Variants in SLC35F4 observed in about 807,000 individuals in gnomAD.
SLC35F4 encodes the protein chromosome 14 open reading frame 36.
In SLC35F4, 24 loss-of-function variants were observed where a neutral mutation model predicts 44.2. That is an observed-to-expected ratio of 0.54 (90% CI 0.39 to 0.76). SLC35F4 has a LOEUF of 0.76. Among genes scored for constraint, SLC35F4 ranks in the 30% least tolerant of loss-of-function variants. The pLI is 0.00. For synonymous variants in SLC35F4, 238 were observed against 223.6 expected (o/e 1.06, Z -0.57); for missense variants, 562 against 586.1 (o/e 0.96, Z 0.42).
At chr14:57,933,004 C>G (rs1051270243) in intron 1 of SLC35F4, among the ~76,000 whole-genome samples, 1 of 151,438 alleles carries the variant, frequency 6.6e-6, no homozygotes, top group Non-Finnish European at 1.5e-5. Flanking sequence ...AAATCAACCT[C>G]GGAAGGTTAA....
chr14:57,913,421 C>T (rs1269984516), intron 1 of SLC35F4, among the ~76,000 whole-genome samples: 1 of 151,924 alleles, frequency 6.6e-6, no homozygotes, highest in Non-Finnish European at 1.5e-5. Context: ...CCGCCCCTTT[C>T]TTAGCACACC....
chr14:57,576,699 T>C (rs2139755129), intron 4 of SLC35F4, among the ~76,000 whole-genome samples: 1 of 151,982 alleles, frequency 6.6e-6, no homozygotes, highest in South Asian at 2.1e-4. Context: ...GGAAGGGGGG[T>C]ACCTTGGATA....
intron 1 of SLC35F4, among the ~76,000 whole-genome samples, chr14:57,709,085 C>T (rs2075752222): frequency 6.6e-6 from 1 of 152,296 alleles, no homozygotes; most frequent in South Asian, 2.1e-4. Flanking sequence ...GATGGTTAGG[C>T]CTCCAGATAA....
chr14:57,702,672 C>T (rs577350146), intron 1 of SLC35F4, among the ~76,000 whole-genome samples: 5 of 152,148 alleles, frequency 3.3e-5, no homozygotes, highest in Non-Finnish European at 7.4e-5. Context: ...AGAGAGATTT[C>T]AAAACTGATT....
intron 1 of SLC35F4, among the ~76,000 whole-genome samples, chr14:57,940,925 G>A (rs1221118724): frequency 6.6e-6 from 1 of 152,134 alleles, no homozygotes; most frequent in Non-Finnish European, 1.5e-5. Context: ...TAGTTGCCTT[G>A]TAAAAATACT....
chr14:57,926,388 G>A (rs1215578271), intron 1 of SLC35F4, among the ~76,000 whole-genome samples: 1 of 152,234 alleles, frequency 6.6e-6, no homozygotes, highest in Non-Finnish European at 1.5e-5. Flanking sequence ...GATGTCACAT[G>A]GAACTTCTTT....
chr14:57,796,023 C>A (rs934209979), intron 1 of SLC35F4, among the ~76,000 whole-genome samples: 41 of 152,286 alleles, frequency 2.7e-4, no homozygotes, highest in Non-Finnish European at 5.1e-4. Flanking sequence ...GTTTAGCTCC[C>A]ACTTATAAAT....
At chr14:57,797,829 A>G (rs1258853909) in intron 1 of SLC35F4, among the ~76,000 whole-genome samples, 1 of 152,148 alleles carries the variant, frequency 6.6e-6, no homozygotes, top group Non-Finnish European at 1.5e-5. Context: ...ATATCTTGAC[A>G]GTATGGGGAA....
chr14:57,627,870 G>T (rs1252877065), intron 1 of SLC35F4, among the ~76,000 whole-genome samples: 3 of 151,870 alleles, frequency 2.0e-5, no homozygotes, highest in Admixed American at 6.6e-5. Flanking sequence ...ATGTCTCCGA[G>T]TCAAAAGGAC....
chr14:57,982,968 T>A (rs1215163473), upstream of SLC35F4, among the ~76,000 whole-genome samples: 1 of 152,206 alleles, frequency 6.6e-6, no homozygotes, highest in Non-Finnish European at 1.5e-5. Context: ...CTGCTGGCCC[T>A]GTTCAAGGAC....
chr14:57,954,522 G>A (rs540543882), intron 1 of SLC35F4, among the ~76,000 whole-genome samples: 9 of 151,968 alleles, frequency 5.9e-5, no homozygotes, highest in Non-Finnish European at 1.2e-4. Flanking sequence ...TAGATAGACC[G>A]CCAGCCAGAC....
chr14:57,740,946 C>T (rs930178131), intron 1 of SLC35F4, among the ~76,000 whole-genome samples: 31 of 152,166 alleles, frequency 2.0e-4, no homozygotes, highest in Admixed American at 2.6e-4. Context: ...GTGCAGCCTC[C>T]GCTGGTGATA....
At chr14:57,793,280 C>T (rs919556091) in intron 1 of SLC35F4, among the ~76,000 whole-genome samples, 1 of 151,030 alleles carries the variant, frequency 6.6e-6, no homozygotes, top group Non-Finnish European at 1.5e-5. Context: ...TTTAGGGGTA[C>T]AAGTGGTTTT....
intron 1 of SLC35F4, among the ~76,000 whole-genome samples, chr14:57,919,863 G>T (rs1420105158): frequency 6.6e-6 from 1 of 152,216 alleles, no homozygotes; most frequent in Non-Finnish European, 1.5e-5. Context: ...CAACTTTGAT[G>T]TGGAAGAAGG....
chr14:57,638,241 T>C (rs2073089234), intron 1 of SLC35F4, among the ~76,000 whole-genome samples: 1 of 152,114 alleles, frequency 6.6e-6, no homozygotes, highest in South Asian at 2.1e-4. Flanking sequence ...TTTCAGTAAC[T>C]TTCTCCTGAT....
Position 57,566,535 on chromosome 14 carries a change from C to T in SLC35F4, c.1156G>A (p.Val386Met). 6.2e-7 allele frequency: 1 copy of T among 1,602,338 alleles called. No homozygotes were observed. Among genetic ancestry groups the T allele is most frequent in the Non-Finnish European group, 8.5e-7 (1 of 1,174,620 alleles). The change falls in exon 7 of 8, where the codon GTG becomes ATG. Residue 386 changes from valine to methionine, a missense_variant. Transcript: ENST00000556826. ...AFNILVNVGVVLTYPILISIG... is the reference protein window; with the variant it reads ...AFNILVNVGVMLTYPILISIG... ...GAGATTAGGATTGGGTATGTCAGCA[C>T]CACCCCAACATTCACCAGGATGTTG...
intron 1 of SLC35F4, among the ~76,000 whole-genome samples, chr14:57,747,158 G>T (rs538750764): frequency 9.7e-4 from 148 of 152,256 alleles, no homozygotes; most frequent in African/African-American, 3.3e-3. Flanking sequence ...TTGCTCTTTT[G>T]AAGGTTATCT....
At chr14:57,977,334 T>A (rs1881247933) in intron 1 of SLC35F4, among the ~76,000 whole-genome samples, 1 of 152,154 alleles carries the variant, frequency 6.6e-6, no homozygotes, top group Admixed American at 6.5e-5. Flanking sequence ...AATGGATACA[T>A]CATGAGCTAG....
chr14:57,643,760 C>T lies in SLC35F4; in HGVS notation c.104-49636G>A, dbSNP rs561567004. ...TTAGGTATATCTCCTAATACTATCC[C>T]TCCCCCCTTCCCCCACCCCACAACA... On this transcript the variant is annotated intron_variant, in intron 1 of 7. Transcript: ENST00000556826. Among the ~76,000 whole-genome samples, 40 of 152,236 alleles carry T rather than the reference C, an allele frequency of 2.6e-4. No homozygotes were observed. The South Asian group carries it at 7.9e-3, about 30-fold the overall frequency.
Sources: gnomAD v4.1 joint callset for allele counts (sites outside exome capture counted in the v4.1 genomes callset) on GRCh38, gnomAD v4.1.1 for gene constraint, MANE v1.5 for transcripts, NCBI Gene and HGNC (gene_info 2026-07-23, HGNC 2026-07-21) for gene names.